The following ERGIC1 variants were observed in gnomAD, a reference collection of about 807,000 sequenced individuals.
The protein encoded by ERGIC1 is endoplasmic reticulum-Golgi intermediate compartment protein 1.
ERGIC1 carries 19 observed loss-of-function variants against 38.3 expected under a neutral mutation model. The observed-to-expected ratio is 0.50, with a 90% CI of 0.35 to 0.73. The LOEUF (loss-of-function observed/expected upper bound fraction) is 0.73. Among genes scored for constraint, ERGIC1 ranks in the 30% least tolerant of loss-of-function variants. ERGIC1 has a pLI of 0.01. For synonymous variants in ERGIC1, 124 were observed against 157.6 expected, an observed-to-expected ratio of 0.79 and a Z score of 1.60; for missense variants, 294 against 389.2, an observed-to-expected ratio of 0.76 and a Z score of 2.06.
chr5:172,949,823 T>C (rs1325380121), intron 9 of ERGIC1, among the ~76,000 whole-genome samples: 1 of 152,150 alleles, frequency 6.6e-6, no homozygotes, highest in African/African-American at 2.4e-5. Context: ...CCCAGCACTT[T>C]GGGAGGCCGA....
At chr5:172,912,378 G>A (rs558247162) in intron 4 of ERGIC1, among the ~76,000 whole-genome samples, 1 of 152,166 alleles carries the variant, frequency 6.6e-6, no homozygotes, top group Non-Finnish European at 1.5e-5. Flanking sequence ...CCCCACAGGG[G>A]TGTTTAAATG....
At chr5:172,932,876 T>A (rs1763809641) in intron 8 of ERGIC1, 1 of 271,222 alleles carries the variant, frequency 3.7e-6, no homozygotes, top group South Asian at 5.0e-5. Context: ...GACCCCTGGG[T>A]GCTCAACACA....
At chr5:172,892,961 C>T (rs1762605620) in intron 2 of ERGIC1, among the ~76,000 whole-genome samples, 1 of 152,114 alleles carries the variant, frequency 6.6e-6, no homozygotes, top group Non-Finnish European at 1.5e-5. Flanking sequence ...GCTGACCAGG[C>T]TTAGTCCGAG....
chr5:172,852,598 A>T (rs568121411), intron 1 of ERGIC1, among the ~76,000 whole-genome samples: 53 of 152,340 alleles, frequency 3.5e-4, no homozygotes, highest in African/African-American at 1.3e-3. Context: ...CCCCAGGGCC[A>T]AGGACACTGA....
rs116604059 is a variant in ERGIC1 at position 172,861,130 on chromosome 5, C to T, written c.20+26697C>T. Among the ~76,000 whole-genome samples, 987 of 152,332 alleles carry T rather than the reference C, an allele frequency of 6.5e-3. 8 individuals carry two copies. Among genetic ancestry groups the T allele is most frequent in the Admixed American group, 0.022 (339 of 15,300 alleles). ...CTGACCTCGTCCCATGCCACCTGCC[C>T]CTCCCTGCGTGCCAGCCGCAGTGGC... On this transcript the variant is annotated intron_variant, in intron 1 of 9. Transcript: ENST00000393784.
At position 172,862,307 on chromosome 5, in the gene ERGIC1, C is replaced by CAAAAAAA. The variant is rs58968820; in HGVS notation, c.21-26373_21-26367dup. 6.5e-3 allele frequency among the ~76,000 whole-genome samples: 323 copies of CAAAAAAA among 49,478 alleles called. 48 individuals are homozygous for CAAAAAAA. Among genetic ancestry groups the CAAAAAAA allele is most frequent in the East Asian group, 0.029 (35 of 1,218 alleles). 32.5% of individuals were successfully genotyped at this position (49,478 alleles called of 152,430 possible). A position where few individuals can be genotyped will look rare whatever the true frequency, so the allele number is the denominator to read the frequency against. On this transcript the variant is annotated intron_variant, in intron 1 of 9. Transcript: ENST00000393784. ...TGGGCAACTGAGTGAGACTACATCTCAAAAAAAAAAAAAAAAAAAAAAAAA... is the reference window on the plus strand; with the variant it reads ...TGGGCAACTGAGTGAGACTACATCTCAAAAAAAAAAAAAAAAAAAAAAAAAAAAAAAA...
At chr5:172,856,569 C>A (rs792986) in intron 1 of ERGIC1, among the ~76,000 whole-genome samples, 147,043 of 152,242 alleles carry the variant, frequency 0.97, 71,205 homozygotes, top group East Asian at 1. Flanking sequence ...ATGGGGCTGC[C>A]TGTGCTGCCT....
chr5:172,848,736 G>T (rs1417580413), intron 1 of ERGIC1, among the ~76,000 whole-genome samples: 2 of 152,232 alleles, frequency 1.3e-5, no homozygotes, highest in Admixed American at 6.5e-5. Context: ...CAGGGAGGAA[G>T]GGTCCAGCTG....
intron 1 of ERGIC1, among the ~76,000 whole-genome samples, chr5:172,869,628 A>G (rs2113151736): frequency 6.6e-6 from 1 of 152,338 alleles, no homozygotes; most frequent in Middle Eastern, 3.4e-3. Flanking sequence ...TCATGGAGAA[A>G]ATGAATCACT....
intron 1 of ERGIC1, among the ~76,000 whole-genome samples, chr5:172,885,715 T>TCG (rs1434284856): frequency 5.3e-4 from 61 of 115,210 alleles, no homozygotes; most frequent in Admixed American, 1.7e-3. Context: ...TTCCTGCTGC[T>TCG]CATTTCTCCA....
Position 172,926,359 on chromosome 5 carries a change from C to T in ERGIC1, c.481-150C>T. 1 of 732,228 alleles carries T rather than the reference C, an allele frequency of 1.4e-6. No homozygotes were observed. Among genetic ancestry groups the T allele is most frequent in the East Asian group, 2.7e-5 (1 of 37,408 alleles). 45.4% of individuals were successfully genotyped at this position (732,228 alleles called of 1,614,324 possible). On this transcript the variant is annotated intron_variant, in intron 6 of 9. Transcript: ENST00000393784. This position sits in a 1 kb window ranked among gnomAD's most constrained non-coding sequence, Gnocchi z 5.2. ...CCTACTATGTGCCAGGCCCCTGCTG[C>T]CTCTTGCTCCCCACAAATCCGCTGG...
intron 4 of ERGIC1, among the ~76,000 whole-genome samples, chr5:172,914,139 G>C (rs2113402739): frequency 6.7e-6 from 1 of 150,240 alleles, no homozygotes; most frequent in African/African-American, 2.5e-5. Context: ...GGAGGCTGAG[G>C]CAGGAGAATT....
chr5:172,893,697 T>A (rs1403459085), intron 2 of ERGIC1, among the ~76,000 whole-genome samples: 4 of 151,410 alleles, frequency 2.6e-5, no homozygotes, highest in Non-Finnish European at 5.9e-5. Flanking sequence ...TCCAGTGGAT[T>A]TGTTCAGCAG....
chr5:172,861,117 C>G (rs1441760862), intron 1 of ERGIC1, among the ~76,000 whole-genome samples: 1 of 152,168 alleles, frequency 6.6e-6, no homozygotes, highest in Non-Finnish European at 1.5e-5. Context: ...GACCTCGTCC[C>G]ATGCCACCTG....
chr5:172,834,300 GGGGGGCGGCCGGC>G lies in ERGIC1; in HGVS notation c.-105_-93del. ...GGCGAGTGGCGAGTGGCGAGTGTCA[GGGGGGCGGCCGGC>G]GGGGGCGGGGCGGCCGGAGGAGGCG... On this transcript the variant is annotated 5_prime_UTR_variant, in exon 1 of 10. Coordinates refer to ENST00000393784, the MANE Select transcript of ERGIC1 (RefSeq NM_001031711.3). This position sits in a 1 kb window ranked among gnomAD's most constrained non-coding sequence, Gnocchi z 4.1. 9.8e-7 allele frequency: 1 copy of G among 1,017,266 alleles called. No homozygotes were observed. The highest frequency in any genetic ancestry group is 1.2e-6 in the Non-Finnish European group (1 of 822,040). 63.0% of individuals were successfully genotyped at this position (1,017,266 alleles called of 1,614,324 possible). A position where few individuals can be genotyped will look rare whatever the true frequency, so the allele number is the denominator to read the frequency against.
chr5:172,860,186 G>A (rs1286848195), intron 1 of ERGIC1, among the ~76,000 whole-genome samples: 1 of 152,260 alleles, frequency 6.6e-6, no homozygotes, highest in Non-Finnish European at 1.5e-5. Flanking sequence ...GCTCAGGTGT[G>A]TGAGGCAGTG....
At chr5:172,939,334 C>G (rs1459689167) in intron 9 of ERGIC1, among the ~76,000 whole-genome samples, 1 of 152,178 alleles carries the variant, frequency 6.6e-6, no homozygotes, top group Non-Finnish European at 1.5e-5. Flanking sequence ...TTGGGAAGCT[C>G]TAAGAATAGA....
intron 4 of ERGIC1, among the ~76,000 whole-genome samples, 179 bp downstream of exon 4, chr5:172,909,940 A>C (rs575306942): frequency 6.6e-6 from 1 of 152,286 alleles, no homozygotes; most frequent in East Asian, 1.9e-4. Context: ...CATAATAAAC[A>C]CAAGACACTA....
intron 3 of ERGIC1, among the ~76,000 whole-genome samples, chr5:172,897,439 AAAAAAG>A (rs1344348346): frequency 2.1e-5 from 3 of 139,858 alleles, no homozygotes; most frequent in African/African-American, 8.7e-5. Context: ...AAAAAAAAAA[AAAAAAG>A]AGAGAGAGAG....
Sources: gnomAD v4.1 joint callset for allele counts (sites outside exome capture counted in the v4.1 genomes callset) on GRCh38, gnomAD v4.1.1 for gene constraint, Gnocchi (gnomAD v3.1) non-coding constraint, MANE v1.5 for transcripts, NCBI Gene and HGNC (gene_info 2026-07-23, HGNC 2026-07-21) for gene names.